HEATR6: variants seen among roughly 807,000 people sequenced by gnomAD.
The protein encoded by HEATR6 is HEAT repeat-containing protein 6.
HEATR6 carries 106 observed loss-of-function variants against 132.8 expected under a neutral mutation model. The ratio of observed to expected loss-of-function variants is 0.80; its 90% CI spans 0.68 to 0.94. The LOEUF is 0.94. Ranked by LOEUF, HEATR6 falls within the 40% of genes least tolerant of loss-of-function variation. HEATR6 has a pLI of 0.00. For missense variants in HEATR6, 1,339 were observed against 1,425.1 expected (o/e 0.94, Z 0.97); for synonymous variants, 529 against 537.8 (o/e 0.98, Z 0.23).
intron 6 of HEATR6, 149 bp from the exon 7 acceptor site, chr17:60,069,997 T>C (rs1444751021): frequency 1.0e-6 from 1 of 970,196 alleles, no homozygotes; most frequent in African/African-American, 1.7e-5. Flanking sequence ...GAAATATAAA[T>C]GAGATAGAAA....
In HEATR6 at chr17:60,048,285, G is replaced by T. The variant is rs1045012045; in HGVS notation, c.2651C>A (p.Thr884Lys). Residue 884 changes from threonine (T) to lysine (K), a missense_variant, in exon 17 of 20, where the codon ACA (threonine) becomes AAA (lysine). Transcript: ENST00000184956. ...CTACATGTTGACAATCAGAGTGTCTGTCAGGTTGCCCAGGGACCAGGCTGC... is the reference window on the plus strand; with the variant it reads ...CTACATGTTGACAATCAGAGTGTCTTTCAGGTTGCCCAGGGACCAGGCTGC... ...AKAAWSLGNL[T>K]DTLIVNMETP... 3 of 1,613,644 alleles carry T rather than the reference G, an allele frequency of 1.9e-6. No homozygotes were observed. The highest frequency in any genetic ancestry group is 2.5e-6 in the Non-Finnish European group (3 of 1,179,680).
intron 5 of HEATR6, among the ~76,000 whole-genome samples, chr17:60,071,012 A>G (rs994816186): frequency 6.6e-6 from 1 of 152,218 alleles, no homozygotes; most frequent in African/African-American, 2.4e-5. Context: ...TTTCTAGAAG[A>G]AAAGAATAAT....
intron 11 of HEATR6, 150 bp downstream of exon 11, chr17:60,059,272 A>G: frequency 2.0e-6 from 1 of 509,620 alleles, no homozygotes; most frequent in South Asian, 3.4e-5. Flanking sequence ...AACAGCTTAT[A>G]CCCCTGAAAA....
intron 16 of HEATR6, among the ~76,000 whole-genome samples, chr17:60,049,118 A>AGG (rs1906492576): frequency 7.6e-6 from 1 of 131,126 alleles, no homozygotes; most frequent in Non-Finnish European, 1.6e-5. Context: ...AGAGAGAGAC[A>AGG]GAGAGTGTGT....
At chr17:60,048,208 T>G in intron 17 of HEATR6, 56 bp downstream of exon 17, 2 of 1,566,490 alleles carry the variant, frequency 1.3e-6, no homozygotes, top group Non-Finnish European at 1.7e-6. Context: ...TCGAGGACAT[T>G]CTCTTGGGCC....
In HEATR6 at chr17:60,043,541, TC is replaced by T; in HGVS notation, c.*21del. ...GGTCTTCCTACTGCCGCCTTCGACA[TC>T]TAGAAAGTATGGTGGGATCTTCACT... is the stretch of plus-strand genomic sequence containing the variant. On this transcript the variant is annotated 3_prime_UTR_variant, in exon 20 of 20. Coordinates refer to ENST00000184956, the MANE Select transcript of HEATR6 (RefSeq NM_022070.5). 6.3e-7 allele frequency: 1 copy of T among 1,582,310 alleles called. No homozygotes were observed.
intron 2 of HEATR6, among the ~76,000 whole-genome samples, chr17:60,074,322 C>A (rs1416890625): frequency 6.6e-6 from 1 of 152,210 alleles, no homozygotes; most frequent in African/African-American, 2.4e-5. Flanking sequence ...GAGGGCATAT[C>A]CCTGCTGTCA....
chr17:60,064,827 T>C (rs929227805), intron 9 of HEATR6: 3 of 152,204 alleles, frequency 2.0e-5, no homozygotes, highest in African/African-American at 4.8e-5. Flanking sequence ...TATGAAGATA[T>C]AAACATCATG....
At chr17:60,060,976 G>A (rs932319209) in intron 9 of HEATR6, among the ~76,000 whole-genome samples, 10 of 152,142 alleles carry the variant, frequency 6.6e-5, no homozygotes, top group African/African-American at 1.9e-4. Flanking sequence ...CTTTCAATTG[G>A]TACTCAGATG....
At position 60,042,405 on chromosome 17, in the gene HEATR6, G is replaced by T. The variant is rs1906201719; in HGVS notation, c.*1158C>A. 7.1e-6 allele frequency among the ~76,000 whole-genome samples: 1 copy of T among 140,556 alleles called. No homozygotes were observed. Among genetic ancestry groups the T allele is most frequent in the Non-Finnish European group, 1.5e-5 (1 of 66,168 alleles). The allele number at this position is 140,556 out of a possible 152,430, so 92.2% of individuals were successfully genotyped here. ...TGTCAGCATCCTCGCGTCCTGTGCG[G>T]CTGTGAGGCACTGTCAGCATCCTCG... On this transcript the variant is annotated 3_prime_UTR_variant, in exon 20 of 20. Coordinates refer to ENST00000184956, the MANE Select transcript of HEATR6 (RefSeq NM_022070.5).
intron 9 of HEATR6, 139 bp from the exon 10 acceptor site, chr17:60,060,235 C>G: frequency 1.6e-6 from 1 of 638,066 alleles, no homozygotes; most frequent in Non-Finnish European, 2.7e-6. Flanking sequence ...TCTGTTAGTT[C>G]CTAAAAACTA....
In HEATR6 at chr17:60,076,156, T is replaced by C; in HGVS notation, c.301A>G (p.Ile101Val). Residue 101 changes from isoleucine to valine, a missense_variant, in exon 2 of 20, where the codon ATC becomes GTC. By Grantham distance (29) the Ile-to-Val change is conservative. Coordinates refer to ENST00000184956, the MANE Select transcript of HEATR6 (RefSeq NM_022070.5). ...NHLVSKVSQL[I>V]HHLLNRLQVI... ...TGTAATCTGTTAAGTAAATGGTGGATAAGCTGGCTCACTTTGCTGACAAGA... is the reference window on the plus strand; with the variant it reads ...TGTAATCTGTTAAGTAAATGGTGGACAAGCTGGCTCACTTTGCTGACAAGA... 1 of 1,609,608 alleles carries C rather than the reference T, an allele frequency of 6.2e-7. No homozygotes were observed. Among genetic ancestry groups the C allele is most frequent in the Non-Finnish European group, 8.5e-7 (1 of 1,176,946 alleles).
chr17:60,073,951 T>A (rs1406118018), intron 2 of HEATR6, 65 bp from the exon 3 acceptor site: 1 of 1,557,700 alleles, frequency 6.4e-7, no homozygotes, highest in Non-Finnish European at 8.7e-7. Flanking sequence ...TTTATGGACA[T>A]GTATGCTCAC....
At chr17:60,060,240 A>G in intron 9 of HEATR6, 144 bp from the exon 10 acceptor site, 1 of 625,974 alleles carries the variant, frequency 1.6e-6, no homozygotes, top group East Asian at 2.7e-5. Context: ...TAGTTCCTAA[A>G]AACTAGGCCA....
chr17:60,066,840 G>A (rs1476161666), intron 8 of HEATR6, among the ~76,000 whole-genome samples: 2 of 152,170 alleles, frequency 1.3e-5, no homozygotes, highest in Non-Finnish European at 2.9e-5. Flanking sequence ...CACATGTTAC[G>A]AATAACACCA....
chr17:60,059,091 A>T (rs1043219294), intron 11 of HEATR6, among the ~76,000 whole-genome samples: 5 of 152,022 alleles, frequency 3.3e-5, no homozygotes, highest in Non-Finnish European at 7.4e-5. Flanking sequence ...TCCATCCTCT[A>T]CCTATGTGTA....
intron 7 of HEATR6, 92 bp from the exon 8 acceptor site, chr17:60,067,824 T>G: frequency 6.0e-6 from 6 of 1,006,668 alleles, no homozygotes; most frequent in Non-Finnish European, 8.7e-6. Flanking sequence ...AGTGACTAAA[T>G]ATGTCCCCAA....
In HEATR6 at chr17:60,043,713, G is replaced by C; in HGVS notation, c.3396C>G (p.Val1132=). Residue 1132 remains valine, a synonymous_variant, in exon 20 of 20, where the codon GTC becomes GTG. Transcript: ENST00000184956. ...PHSPQERDQM[V]RMALKHMGSI... ...TGCCCATGTGTTTAAGGGCCATTCT[G>C]ACCATCTGGTCTCTTTCCTGTGGGC... The C allele has an allele frequency of 6.2e-7, 1 of 1,614,176 alleles. No individual in the cohort carries two copies.
intron 16 of HEATR6, among the ~76,000 whole-genome samples, chr17:60,049,150 T>C (rs56653938): frequency 0.082 from 12,263 of 149,786 alleles, 1,680 homozygotes; most frequent in African/African-American, 0.29. Flanking sequence ...TGTGTGTGTG[T>C]GTGTGTCTGG....
Sources: gnomAD v4.1 joint callset for allele counts (sites outside exome capture counted in the v4.1 genomes callset) on GRCh38, gnomAD v4.1.1 for gene constraint, MANE v1.5 for transcripts, NCBI Gene and HGNC (gene_info 2026-07-23, HGNC 2026-07-21) for gene names.